Variants in SGK1 observed in about 807,000 individuals in gnomAD.
SGK1 encodes the protein serum/glucocorticoid regulated kinase 1, also known as serine/threonine-protein kinase Sgk1.
Under a neutral mutation model 64.2 loss-of-function variants are expected in SGK1, and 26 were observed. The observed-to-expected ratio is 0.40, with a 90% CI of 0.30 to 0.56. SGK1 has a LOEUF of 0.56. SGK1 is among the 20% of genes least tolerant of loss of function. The probability of loss-of-function intolerance (pLI) is 0.38; values close to 1 mark genes in which losing one functional copy is unlikely to be tolerated. For missense variants in SGK1, 519 were observed against 645.6 expected, an observed-to-expected ratio of 0.80 and a Z score of 2.12; for synonymous variants, 265 against 239.7, an observed-to-expected ratio of 1.11 and a Z score of -0.98.
rs78434758 is a variant in SGK1, at chr6:134,305,971, C to T, written c.69+11421G>A. Among the ~76,000 whole-genome samples the T allele has an allele frequency of 2.9e-3, 443 of 152,284 alleles. 1 individual carries two copies. Among genetic ancestry groups the T allele is most frequent in the African/African-American group, 0.01 (427 of 41,560 alleles). Reference sequence around the variant, plus strand: ...TCAACATATACTTATTGATAACCCCCCAGGGGCCAGGTCCTGAGGGTTTAA... The same window carrying T: ...TCAACATATACTTATTGATAACCCCTCAGGGGCCAGGTCCTGAGGGTTTAA... On this transcript the variant is annotated intron_variant, in intron 1 of 13. Transcript: ENST00000367858.
intron 3 of SGK1, among the ~76,000 whole-genome samples, chr6:134,206,862 G>A (rs557228003): frequency 0.013 from 1,692 of 132,704 alleles, 15 homozygotes; most frequent in Middle Eastern, 0.02. Flanking sequence ...GCAAGACTCC[G>A]TCTCCAGAAA....
intron 3 of SGK1, among the ~76,000 whole-genome samples, chr6:134,207,002 A>G (rs374947649): frequency 2.4e-4 from 36 of 152,050 alleles, no homozygotes; most frequent in East Asian, 1.4e-3. Flanking sequence ...GAGGCGGGCG[A>G]ATCACAAGGT....
At chr6:134,288,510 C>T (rs186558000) in intron 1 of SGK1, among the ~76,000 whole-genome samples, 2 of 152,076 alleles carry the variant, frequency 1.3e-5, no homozygotes, top group African/African-American at 4.8e-5. Context: ...TTCTAATGGG[C>T]AAAGAGATGT....
intron 5 of SGK1, 152 bp from the exon 6 acceptor site, chr6:134,173,718 C>A: frequency 1.6e-6 from 1 of 629,478 alleles, no homozygotes; most frequent in South Asian, 2.1e-5. Flanking sequence ...CATCACATTT[C>A]AAATGAGTAT....
chr6:134,172,300 T>C lies in SGK1; in HGVS notation c.964A>G (p.Asn322Asp). The change falls in exon 10 of 14, where the codon AAT becomes GAT. Residue 322 changes from asparagine (N) to aspartate (D), a missense_variant. Around this residue, in one of 2 missense-constraint regions of SGK1, gnomAD observed 278 missense variants for 408.7 expected, o/e 0.68. Coordinates refer to ENST00000367858, the MANE Select transcript of SGK1 (RefSeq NM_001143676.3). ...TGTCCCTGTGAATCTAGCAAAATAT[T>C]CTCTGGTTTTAAGTCTCTGTAAAAA... Reference protein sequence around the residue: ...NIVYRDLKPENILLDSQGHIV... With the variant: ...NIVYRDLKPEDILLDSQGHIV... 6.2e-7 allele frequency: 1 copy of C among 1,612,668 alleles called. No homozygotes were observed. The highest frequency in any genetic ancestry group is 8.5e-7 in the Non-Finnish European group (1 of 1,179,486).
At chr6:134,201,228 T>G (rs533742973) in intron 3 of SGK1, among the ~76,000 whole-genome samples, 1 of 150,352 alleles carries the variant, frequency 6.7e-6, no homozygotes, top group Non-Finnish European at 1.5e-5. Flanking sequence ...GCCCAGCTAA[T>G]TTTTTGTATT....
intron 2 of SGK1, among the ~76,000 whole-genome samples, chr6:134,250,945 C>A (rs193163581): frequency 6.6e-6 from 1 of 152,068 alleles, no homozygotes; most frequent in South Asian, 2.1e-4. Flanking sequence ...TAATTTATTT[C>A]ATCGTATTTT....
intron 3 of SGK1, among the ~76,000 whole-genome samples, chr6:134,184,887 G>A (rs1383333367): frequency 6.6e-6 from 1 of 152,132 alleles, no homozygotes; most frequent in Non-Finnish European, 1.5e-5. Flanking sequence ...GTCTTGCGGT[G>A]TTAGCCAGGC....
At chr6:134,217,749 C>T (rs1299518998) in intron 2 of SGK1, among the ~76,000 whole-genome samples, 1 of 152,188 alleles carries the variant, frequency 6.6e-6, no homozygotes, top group Non-Finnish European at 1.5e-5. Flanking sequence ...ATTTATCCTT[C>T]TTCAATTGCT....
intron 2 of SGK1, among the ~76,000 whole-genome samples, chr6:134,232,410 A>AG (rs1776294154): frequency 4.3e-5 from 1 of 23,028 alleles, no homozygotes; most frequent in African/African-American, 1.1e-4. Flanking sequence ...AAAAAGAAAG[A>AG]AAGAGAAAGA....
At chr6:134,270,662 C>T (rs1010127375) in intron 1 of SGK1, among the ~76,000 whole-genome samples, 6 of 148,214 alleles carry the variant, frequency 4.0e-5, no homozygotes, top group East Asian at 2.4e-4. Flanking sequence ...TAGTTGCATC[C>T]TCTTCTAGAT....
At chr6:134,286,058 G>C (rs1334228278) in intron 1 of SGK1, among the ~76,000 whole-genome samples, 1 of 152,204 alleles carries the variant, frequency 6.6e-6, no homozygotes, top group African/African-American at 2.4e-5. Context: ...GCTGTAGACT[G>C]ATGACTACAG....
At chr6:134,246,491 G>A (rs1776526811) in intron 2 of SGK1, among the ~76,000 whole-genome samples, 1 of 152,204 alleles carries the variant, frequency 6.6e-6, no homozygotes, top group South Asian at 2.1e-4. Flanking sequence ...GGAAAAAAGG[G>A]TGAAGATGGG....
chr6:134,258,355 C>T (rs1023860460), intron 2 of SGK1, among the ~76,000 whole-genome samples: 1 of 152,096 alleles, frequency 6.6e-6, no homozygotes, highest in Admixed American at 6.6e-5. Context: ...CCTGGGGTTA[C>T]AGGCATGAGC....
rs1440951828 is a variant in SGK1 at position 134,270,203 on chromosome 6, C to CT, written c.70-8056_70-8055insA. Reference sequence around the variant, plus strand: ...CCCAATCCCAAGCCTGTTGGGATTACAGGCGTGAGCCACCGCACCAGGCCT... The same window carrying CT: ...CCCAATCCCAAGCCTGTTGGGATTACTAGGCGTGAGCCACCGCACCAGGCCT... On this transcript the variant is annotated intron_variant, in intron 1 of 13. Transcript: ENST00000367858. Among the ~76,000 whole-genome samples, 5 of 148,172 alleles carry CT rather than the reference C, an allele frequency of 3.4e-5. 2 individuals are homozygous for CT. The East Asian group carries it at 7.3e-4, about 22-fold the overall frequency.
chr6:134,298,550 G>T (rs1266249634), intron 1 of SGK1: 1 of 827,662 alleles, frequency 1.2e-6, no homozygotes, highest in Non-Finnish European at 2.1e-6. Context: ...CTCCACCCAG[G>T]CTACCCTGGA....
intron 2 of SGK1, among the ~76,000 whole-genome samples, chr6:134,245,372 A>C (rs1776511621): frequency 6.6e-6 from 1 of 152,182 alleles, no homozygotes; most frequent in African/African-American, 2.4e-5. Flanking sequence ...TGCCAGAATT[A>C]TTTTTCTGTG....
chr6:134,314,154 G>A (rs1283033751), intron 1 of SGK1, among the ~76,000 whole-genome samples: 1 of 151,924 alleles, frequency 6.6e-6, no homozygotes, highest in African/African-American at 2.4e-5. Context: ...AAAATATGAG[G>A]ATGAGAAGCA....
chr6:134,169,857 A>G lies in SGK1; in HGVS notation c.*411T>C, dbSNP rs904284270. 6.4e-6 allele frequency: 1 copy of G among 155,256 alleles called. No individual in the cohort carries two copies. The highest frequency in any genetic ancestry group is 2.4e-5 in the African/African-American group (1 of 41,538). 9.6% of individuals were successfully genotyped at this position (155,256 alleles called of 1,614,324 possible). ...GCATATCCACAAGGGAAAATAAAGA[A>G]CTGAAACACTGCGATAGGAAAAGCT... is the stretch of plus-strand genomic sequence containing the variant. On this transcript the variant is annotated 3_prime_UTR_variant, in exon 14 of 14. Coordinates refer to ENST00000367858, the MANE Select transcript of SGK1 (RefSeq NM_001143676.3).
Sources: gnomAD v4.1 joint callset for allele counts (sites outside exome capture counted in the v4.1 genomes callset) on GRCh38, gnomAD v4.1.1 for gene constraint, gnomAD v4.1.1 regional missense constraint, MANE v1.5 for transcripts, NCBI Gene and HGNC (gene_info 2026-07-23, HGNC 2026-07-21) for gene names.